SLC35E4: variants seen among roughly 807,000 people sequenced by gnomAD.
SLC35E4 encodes solute carrier family 35 member E4, also known as solute carrier family 35, member E4.
Under a neutral mutation model 19.3 loss-of-function variants are expected in SLC35E4, and 15 were observed. That is an observed-to-expected ratio of 0.78 (90% CI 0.52 to 1.20). The LOEUF (loss-of-function observed/expected upper bound fraction) is 1.20. Ranked by LOEUF, SLC35E4 falls within the 50% of genes most tolerant of loss-of-function variation. SLC35E4 has a pLI of 0.00. For missense variants in SLC35E4, 406 were observed against 472.3 expected (o/e 0.86, Z 1.30); for synonymous variants, 219 against 219.9 (o/e 1.00, Z 0.04).
chr22:30,668,935 T>G (rs895157958), exon 3 of SLC35E4: 2 of 152,192 alleles, frequency 1.3e-5, no homozygotes, highest in African/African-American at 4.8e-5. Context: ...ATTGGTAAAT[T>G]TTTTGCACCA....
At chr22:30,652,394 T>C (rs1181474141), downstream of SLC35E4, 1 of 152,212 alleles carries the variant, frequency 6.6e-6, no homozygotes, top group Non-Finnish European at 1.5e-5. Flanking sequence ...TAATTTCTAA[T>C]CTTGTGGCTA....
chr22:30,663,630 A>G, downstream of SLC35E4: 2 of 1,614,260 alleles, frequency 1.2e-6, no homozygotes, highest in Non-Finnish European at 1.7e-6. Flanking sequence ...CAGCAGGGAC[A>G]TGGCGTGGTA....
chr22:30,636,309 A>T lies in SLC35E4; in HGVS notation c.-142A>T. ...GACATCGCTGGCACAGGCCTGGCAC[A>T]AGTAAGCAGTGTCCTCACCTGTCTG... On this transcript the variant is annotated 5_prime_UTR_variant, in exon 1 of 2. Transcript: ENST00000343605. The T allele has an allele frequency of 1.7e-6, 2 of 1,190,360 alleles. No homozygotes were observed. The highest frequency in any genetic ancestry group is 2.3e-6 in the Non-Finnish European group (2 of 882,656). The allele number at this position is 1,190,360 out of a possible 1,614,324, so 73.7% of individuals were successfully genotyped here.
chr22:30,639,823 T>A (rs1443602126), intron 1 of SLC35E4, among the ~76,000 whole-genome samples: 1 of 152,196 alleles, frequency 6.6e-6, no homozygotes, highest in East Asian at 1.9e-4. Context: ...CAAACACACA[T>A]GCTCTACAAT....
At chr22:30,637,626 G>A (rs2087972318) in intron 1 of SLC35E4, among the ~76,000 whole-genome samples, 1 of 152,056 alleles carries the variant, frequency 6.6e-6, no homozygotes, top group African/African-American at 2.4e-5. Context: ...CCTGTCCTCA[G>A]CGATCTTCCC....
chr22:30,666,621 C>CAA (rs55979351), downstream of SLC35E4, among the ~76,000 whole-genome samples: 377 of 62,464 alleles, frequency 6.0e-3, 43 homozygotes, highest in South Asian at 0.027. Context: ...GACTCCATCT[C>CAA]AAAAAAAAAA....
intron 1 of SLC35E4, among the ~76,000 whole-genome samples, chr22:30,639,109 T>C (rs1468628505): frequency 6.6e-6 from 1 of 152,170 alleles, no homozygotes; most frequent in Non-Finnish European, 1.5e-5. Context: ...CTTTTCTGTA[T>C]TACCTAAGTG....
At chr22:30,643,232 C>T (rs980700079) in intron 1 of SLC35E4, among the ~76,000 whole-genome samples, 4 of 152,140 alleles carry the variant, frequency 2.6e-5, no homozygotes, top group African/African-American at 9.7e-5. Flanking sequence ...CTCCCCCGCC[C>T]GTCCGCATCA....
chr22:30,663,962 C>A (rs1223034869), downstream of SLC35E4: 12 of 1,614,040 alleles, frequency 7.4e-6, no homozygotes, highest in East Asian at 2.7e-4. Flanking sequence ...TGACTGAGGG[C>A]TGCCGGAACT....
chr22:30,636,688 C>T lies in SLC35E4; in HGVS notation c.238C>T (p.Leu80=), dbSNP rs1452858741. 2.2e-5 allele frequency: 35 copies of T among 1,611,712 alleles called. No individual in the cohort carries two copies. Among genetic ancestry groups the T allele is most frequent in the Non-Finnish European group, 3.0e-5 (35 of 1,178,990 alleles). The change falls in exon 1 of 2, where the codon CTG becomes TTG. Residue 80 remains leucine (L), a synonymous_variant. Coordinates refer to ENST00000343605, the MANE Select transcript of SLC35E4 (RefSeq NM_001001479.4). ...IFTVHGFGRP[L]LLSALHMLVA... ...CACAGTGCACGGCTTTGGGCGGCCC[C>T]TGCTGCTGTCGGCCCTGCACATGCT... is the stretch of plus-strand genomic sequence containing the variant.
At chr22:30,638,946 A>G (rs1257781323) in intron 1 of SLC35E4, among the ~76,000 whole-genome samples, 3 of 151,898 alleles carry the variant, frequency 2.0e-5, no homozygotes, top group Non-Finnish European at 1.5e-5. Flanking sequence ...AGCCTGGGCG[A>G]CAGAATGAGA....
At chr22:30,666,783 T>C (rs2145631228), downstream of SLC35E4, 1 of 152,226 alleles carries the variant, frequency 6.6e-6, no homozygotes, top group African/African-American at 2.4e-5. Flanking sequence ...AGACAGAGCT[T>C]GAAAATAGGA....
chr22:30,647,993 C>T (rs181218038), downstream of SLC35E4: 2 of 152,392 alleles, frequency 1.3e-5, no homozygotes, highest in Non-Finnish European at 2.9e-5. Context: ...CGCAGTCTGT[C>T]TGGCCCCCCA....
chr22:30,657,458 CA>C (rs35221023), intron 2 of SLC35E4, among the ~76,000 whole-genome samples: 89,624 of 140,628 alleles, frequency 0.64, 28,756 homozygotes, highest in East Asian at 0.81. Context: ...GACTCTGTCT[CA>C]AAAAAAAAAA....
downstream of SLC35E4, among the ~76,000 whole-genome samples, chr22:30,648,614 C>G (rs1260823519): frequency 6.6e-6 from 1 of 152,164 alleles, no homozygotes; most frequent in African/African-American, 2.4e-5. Context: ...ATTAGCCAGG[C>G]CTGCTGGCGT....
At chr22:30,648,958 C>T (rs2088173163), downstream of SLC35E4, among the ~76,000 whole-genome samples, 1 of 152,212 alleles carries the variant, frequency 6.6e-6, no homozygotes, top group Admixed American at 6.5e-5. Context: ...TCCCAACCCC[C>T]AGAGCTCCCT....
At chr22:30,641,662 C>T (rs973990973) in intron 1 of SLC35E4, among the ~76,000 whole-genome samples, 1 of 151,380 alleles carries the variant, frequency 6.6e-6, no homozygotes, top group African/African-American at 2.4e-5. Context: ...TCTTGTGCCT[C>T]AGCCTCCTGA....
At chr22:30,645,264 G>A (rs1190066819) in intron 1 of SLC35E4, among the ~76,000 whole-genome samples, 2 of 152,162 alleles carry the variant, frequency 1.3e-5, no homozygotes, top group Non-Finnish European at 2.9e-5. Context: ...GGGAAAGGTG[G>A]TTGGGGCCAG....
At chr22:30,663,264 A>G (rs1048687783) in exon 3 of SLC35E4, 12 of 675,380 alleles carry the variant, frequency 1.8e-5, no homozygotes, top group Admixed American at 3.1e-5. Flanking sequence ...GTTTAATCTT[A>G]AAAAAAATGG....
Sources: gnomAD v4.1 joint callset for allele counts (sites outside exome capture counted in the v4.1 genomes callset) on GRCh38, gnomAD v4.1.1 for gene constraint, MANE v1.5 for transcripts, NCBI Gene and HGNC (gene_info 2026-07-23, HGNC 2026-07-21) for gene names.